Variants in TBC1D8 observed in about 807,000 individuals in gnomAD.
TBC1D8 encodes the protein TBC1 domain family member 8.
TBC1D8 carries 65 observed loss-of-function variants against 118.8 expected under a neutral mutation model. The observed-to-expected ratio is 0.55, with a 90% CI of 0.45 to 0.67. The LOEUF is 0.67. Among genes scored for constraint, TBC1D8 ranks in the 30% least tolerant of loss-of-function variants. TBC1D8 has a pLI of 0.00. For synonymous variants in TBC1D8, 566 were observed against 595.8 expected, an observed-to-expected ratio of 0.95 and a Z score of 0.73; for missense variants, 1,376 against 1,471.2, an observed-to-expected ratio of 0.94 and a Z score of 1.06.
At chr2:101,144,669 G>A (rs890118921) in intron 1 of TBC1D8, among the ~76,000 whole-genome samples, 3 of 152,220 alleles carry the variant, frequency 2.0e-5, no homozygotes, top group Admixed American at 2.0e-4. Flanking sequence ...GGGCGCGGTG[G>A]CTCACGCCTG....
chr2:101,033,883 G>T, intron 9 of TBC1D8, 125 bp from the exon 10 acceptor site: 1 of 1,147,520 alleles, frequency 8.7e-7, no homozygotes, highest in Non-Finnish European at 1.2e-6. Flanking sequence ...CAAAATATTG[G>T]CCGGGTGCGG....
intron 2 of TBC1D8, among the ~76,000 whole-genome samples, chr2:101,085,176 A>C (rs150513536): frequency 6.6e-6 from 1 of 152,286 alleles, no homozygotes; most frequent in East Asian, 1.9e-4. Flanking sequence ...AAACTATAAC[A>C]GTTTAAATGC....
intron 17 of TBC1D8, among the ~76,000 whole-genome samples, chr2:101,018,752 T>C (rs1211580528): frequency 6.6e-6 from 1 of 152,220 alleles, no homozygotes; most frequent in Non-Finnish European, 1.5e-5. Context: ...TTGTCTCATT[T>C]GTGTGTGTCC....
chr2:101,149,794 C>T lies in TBC1D8; in HGVS notation c.127+1333G>A, dbSNP rs1481736434. Among the ~76,000 whole-genome samples the T allele has an allele frequency of 3.5e-4, 53 of 152,178 alleles. 3 individuals carry two copies. Among genetic ancestry groups the T allele is most frequent in the Admixed American group, 3.5e-3 (53 of 15,278 alleles). On this transcript the variant is annotated intron_variant, in intron 1 of 19. Coordinates refer to ENST00000409318, the MANE Select transcript of TBC1D8 (RefSeq NM_001330348.2). The stretch of plus-strand genomic sequence containing the variant: ...GGGGCCCAACAAGGCCACTGTGGCC[C>T]CTGCCTCCTGCACAACTCCCTCCCC...
intron 5 of TBC1D8, among the ~76,000 whole-genome samples, chr2:101,046,698 A>G (rs1011074054): frequency 8.6e-5 from 13 of 152,044 alleles, no homozygotes; most frequent in Non-Finnish European, 1.8e-4. Context: ...AGGGGAGGAA[A>G]GGGGAAGGCC....
intron 5 of TBC1D8, among the ~76,000 whole-genome samples, chr2:101,042,655 C>T (rs1449428134): frequency 6.6e-6 from 1 of 151,838 alleles, no homozygotes; most frequent in East Asian, 1.9e-4. Flanking sequence ...AGGGCTTTAT[C>T]TTAAGTGTTA....
At chr2:101,033,185 C>T (rs1680777007) in intron 10 of TBC1D8, among the ~76,000 whole-genome samples, 1 of 151,056 alleles carries the variant, frequency 6.6e-6, no homozygotes, top group Non-Finnish European at 1.5e-5. Context: ...GGCATGATCT[C>T]GGCTCACCGC....
chr2:101,135,168 T>C (rs927758265), intron 1 of TBC1D8, among the ~76,000 whole-genome samples: 5 of 152,068 alleles, frequency 3.3e-5, no homozygotes, highest in African/African-American at 1.2e-4. Context: ...CGAGACTCCG[T>C]CTCAAAAAAA....
At chr2:101,135,446 C>T (rs958013865) in intron 1 of TBC1D8, among the ~76,000 whole-genome samples, 1 of 152,092 alleles carries the variant, frequency 6.6e-6, no homozygotes, top group African/African-American at 2.4e-5. Flanking sequence ...CCACCAACCT[C>T]ACCTAACAGC....
intron 2 of TBC1D8, among the ~76,000 whole-genome samples, chr2:101,060,180 T>C (rs898308282): frequency 6.6e-6 from 1 of 152,208 alleles, no homozygotes. Context: ...GACAGAAACA[T>C]TTCTAATGAT....
chr2:101,090,070 T>TCTCC, intron 2 of TBC1D8, 139 bp downstream of exon 2: 1 of 630,936 alleles, frequency 1.6e-6, no homozygotes, highest in South Asian at 2.7e-5. Flanking sequence ...GGAAGGGGAG[T>TCTCC]GGAGGGGAGG....
intron 12 of TBC1D8, 116 bp downstream of exon 12, chr2:101,029,375 G>A (rs1281952593): frequency 4.2e-6 from 5 of 1,194,376 alleles, no homozygotes; most frequent in Non-Finnish European, 5.7e-6. Context: ...CTGGGCAACA[G>A]AGTGAGACTC....
chr2:101,106,982 C>T (rs553853169), intron 1 of TBC1D8, among the ~76,000 whole-genome samples: 1 of 152,272 alleles, frequency 6.6e-6, no homozygotes, highest in African/African-American at 2.4e-5. Flanking sequence ...TTTGGAGGGT[C>T]AGGTGTATTC....
intron 5 of TBC1D8, among the ~76,000 whole-genome samples, chr2:101,040,739 G>C (rs886742204): frequency 6.6e-6 from 1 of 152,222 alleles, no homozygotes; most frequent in African/African-American, 2.4e-5. Context: ...CAAAATGCTG[G>C]GATTACAGGC....
intron 2 of TBC1D8, among the ~76,000 whole-genome samples, chr2:101,061,588 G>A (rs1464000309): frequency 6.6e-6 from 1 of 152,140 alleles, no homozygotes; most frequent in Non-Finnish European, 1.5e-5. Flanking sequence ...CTCTGCCTGA[G>A]GTCTCTATTC....
chr2:101,141,019 C>T (rs564343856), intron 1 of TBC1D8, among the ~76,000 whole-genome samples: 7 of 152,228 alleles, frequency 4.6e-5, no homozygotes, highest in Non-Finnish European at 1.0e-4. Context: ...ACCTCAGCCT[C>T]CCGAAGTGCT....
intron 1 of TBC1D8, among the ~76,000 whole-genome samples, chr2:101,124,888 G>A (rs1192842696): frequency 1.3e-5 from 2 of 152,094 alleles, no homozygotes. Context: ...TACAACAACA[G>A]GACAGAAGGC....
At chr2:101,102,092 G>A (rs1262303531) in intron 1 of TBC1D8, among the ~76,000 whole-genome samples, 2 of 151,904 alleles carry the variant, frequency 1.3e-5, no homozygotes, top group Non-Finnish European at 2.9e-5. Context: ...GACAGAAAGA[G>A]AAAAAGAAAG....
At chr2:101,108,660 T>C (rs1677380851) in intron 1 of TBC1D8, among the ~76,000 whole-genome samples, 1 of 151,958 alleles carries the variant, frequency 6.6e-6, no homozygotes, top group Non-Finnish European at 1.5e-5. Context: ...AACTCTCTGG[T>C]CCTCTCTTCA....
Sources: gnomAD v4.1 joint callset for allele counts (sites outside exome capture counted in the v4.1 genomes callset) on GRCh38, gnomAD v4.1.1 for gene constraint, MANE v1.5 for transcripts, NCBI Gene and HGNC (gene_info 2026-07-23, HGNC 2026-07-21) for gene names.